The following GRIN2D variants were observed in gnomAD, a reference collection of about 807,000 sequenced individuals.
GRIN2D encodes the protein glutamate receptor ionotropic, NMDA 2D.
In GRIN2D, 37 loss-of-function variants were observed where a neutral mutation model predicts 103.2. That is an observed-to-expected ratio of 0.36 (90% CI 0.28 to 0.47). GRIN2D has a LOEUF of 0.47. Ranked by LOEUF, GRIN2D falls within the 20% of genes least tolerant of loss-of-function variation. The pLI, the probability that GRIN2D is intolerant of heterozygous loss-of-function variation, is 1.00. For synonymous variants in GRIN2D, 845 were observed against 885.6 expected, an observed-to-expected ratio of 0.95 and a Z score of 0.81; for missense variants, 1,557 against 1,910.6, an observed-to-expected ratio of 0.81 and a Z score of 3.45.
Position 48,441,790 on chromosome 19 carries a change from C to T in GRIN2D, c.2274C>T (p.Tyr758=), listed in dbSNP as rs749410602. The change falls in exon 12 of 14, where the codon TAC becomes TAT. Residue 758 remains tyrosine (Y), a synonymous_variant. Coordinates refer to ENST00000263269, the MANE Select transcript of GRIN2D (RefSeq NM_000836.4). The part of the protein sequence containing the change: ...LKAGKLDAFI[Y]DAAVLNYMAR... ...CCAGGAAGCTGGACGCCTTCATCTA[C>T]GATGCTGCAGTGCTCAATTACATGG... 4.8e-5 allele frequency: 78 copies of T among 1,612,292 alleles called. No individual in the cohort carries two copies. The East Asian group carries it at 1.0e-3, about 22-fold the overall frequency.
chr19:48,414,213 C>A lies in GRIN2D; in HGVS notation c.1200+108C>A. 3 of 883,072 alleles carry A rather than the reference C, an allele frequency of 3.4e-6. No individual in the cohort carries two copies. Among genetic ancestry groups the A allele is most frequent in the African/African-American group, 1.6e-5 (1 of 60,636 alleles). The allele number at this position is 883,072 out of a possible 1,614,324, so 54.7% of individuals were successfully genotyped here. A position where few individuals can be genotyped will look rare whatever the true frequency, so the allele number is the denominator to read the frequency against. ...CTAAGAGGGAGGAGGGGACAAGGAG[C>A]CTGGACTCCTGGGTCCTGGGATCTG... On this transcript the variant is annotated intron_variant, in intron 5 of 13. Transcript: ENST00000263269. This position sits in a 1 kb window ranked among gnomAD's most constrained non-coding sequence, Gnocchi z 4.6.
In GRIN2D at chr19:48,444,038, G is replaced by GA; in HGVS notation, c.*101_*102insA. The stretch of plus-strand genomic sequence containing the variant: ...CCCGCGTGGGTTGGGAAGGAAAGCA[G>GA]TGGAACTGGCCGGACCCCGCCTGGA... On this transcript the variant is annotated 3_prime_UTR_variant, in exon 14 of 14. Coordinates refer to ENST00000263269, the MANE Select transcript of GRIN2D (RefSeq NM_000836.4). This position sits in a 1 kb window ranked among gnomAD's most constrained non-coding sequence, Gnocchi z 5.5. The GA allele has an allele frequency of 2.5e-6, 2 of 792,330 alleles. No homozygotes were observed. The highest frequency in any genetic ancestry group is 5.4e-5 in the South Asian group (2 of 37,362). The allele number at this position is 792,330 out of a possible 1,614,324, so 49.1% of individuals were successfully genotyped here. A position where few individuals can be genotyped will look rare whatever the true frequency, so the allele number is the denominator to read the frequency against.
Position 48,414,579 on chromosome 19 carries a change from C to T in GRIN2D, c.1407C>T (p.Thr469=). Residue 469 remains threonine (T), a synonymous_variant, in exon 6 of 14, where the codon ACC becomes ACT. Coordinates refer to ENST00000263269, the MANE Select transcript of GRIN2D (RefSeq NM_000836.4). This position sits in a 1 kb window ranked among gnomAD's most constrained non-coding sequence, Gnocchi z 4.6. ...CCTGCCGGAGCCAGCTCAACCGAAC[C>T]CACAGGTGACAGCTCGGGATCCAGG... ...SVPCRSQLNR[T]HSPPPDAPRP... is the part of the protein sequence containing the mutation. The T allele has an allele frequency of 6.4e-7, 1 of 1,550,972 alleles. No individual in the cohort carries two copies. Among genetic ancestry groups the T allele is most frequent in the Non-Finnish European group, 8.7e-7 (1 of 1,147,592 alleles).
At chr19:48,437,148 G>T (rs983231202) in intron 11 of GRIN2D, among the ~76,000 whole-genome samples, 3 of 152,062 alleles carry the variant, frequency 2.0e-5, no homozygotes, top group African/African-American at 7.2e-5. Flanking sequence ...TCGAGACAGG[G>T]TCTCCCTCTG....
chr19:48,436,958 G>C (rs1971240065), intron 11 of GRIN2D, among the ~76,000 whole-genome samples: 1 of 152,154 alleles, frequency 6.6e-6, no homozygotes. Context: ...GGAGCCAAGA[G>C]GGGGTGGTGA....
At position 48,414,619 on chromosome 19, in the gene GRIN2D, A is replaced by C; in HGVS notation, c.1412+35A>C. On this transcript the variant is annotated intron_variant, in intron 6 of 13. Coordinates refer to ENST00000263269, the MANE Select transcript of GRIN2D (RefSeq NM_000836.4). The surrounding 1 kb of genome is among the most constrained non-coding windows in gnomAD (Gnocchi z 4.6). ...CGGGATCCAGGAGTTCCGGCTCCAA[A>C]ACCCGCCTCCCGTGAAGCCCAGTAG... The C allele has an allele frequency of 6.5e-7, 1 of 1,535,450 alleles. No homozygotes were observed. Among genetic ancestry groups the C allele is most frequent in the Non-Finnish European group, 8.8e-7 (1 of 1,134,406 alleles).
chr19:48,429,591 G>C (rs1457884374), intron 11 of GRIN2D, among the ~76,000 whole-genome samples: 2 of 151,992 alleles, frequency 1.3e-5, no homozygotes, highest in African/African-American at 4.8e-5. Context: ...ATAGAGACAG[G>C]GTTTCGCCAC....
intron 4 of GRIN2D, among the ~76,000 whole-genome samples, chr19:48,407,532 A>G (rs1448018150): frequency 6.6e-6 from 1 of 152,206 alleles, no homozygotes; most frequent in Non-Finnish European, 1.5e-5. Flanking sequence ...ACAAGTCACA[A>G]GTCAGCCTGT....
chr19:48,443,748 C>T lies in GRIN2D; in HGVS notation c.3822C>T (p.Asp1274=). ...CGCCCACCTCGCGCTCGCTCGAGGA[C>T]CTCAGCTCGTGCCCTCGCGCCGCCC... is the stretch of plus-strand genomic sequence containing the variant. ...PPAPTSRSLE[D]LSSCPRAAPA... is the part of the protein sequence containing the mutation. The change falls in exon 14 of 14, where the codon GAC becomes GAT. Residue 1274 remains aspartate (D), a synonymous_variant. Transcript: ENST00000263269. The surrounding 1 kb of genome is among the most constrained non-coding windows in gnomAD (Gnocchi z 8.9). 3 of 1,422,970 alleles carry T rather than the reference C, an allele frequency of 2.1e-6. No homozygotes were observed. Among genetic ancestry groups the T allele is most frequent in the Non-Finnish European group, 2.7e-6 (3 of 1,093,856 alleles). 88.1% of individuals were successfully genotyped at this position (1,422,970 alleles called of 1,614,324 possible). A position where few individuals can be genotyped will look rare whatever the true frequency, so the allele number is the denominator to read the frequency against.
chr19:48,430,917 T>G (rs938725525), intron 11 of GRIN2D, among the ~76,000 whole-genome samples: 19 of 151,716 alleles, frequency 1.3e-4, no homozygotes, highest in African/African-American at 4.6e-4. Flanking sequence ...CCTCCTGGGT[T>G]CAAGCGATTC....
At position 48,443,636 on chromosome 19, in the gene GRIN2D, G is replaced by A. The variant is rs1473583586; in HGVS notation, c.3710G>A (p.Arg1237Gln). 1.8e-6 allele frequency: 2 copies of A among 1,083,354 alleles called. No homozygotes were observed. Among genetic ancestry groups the A allele is most frequent in the Non-Finnish European group, 2.2e-6 (2 of 898,356 alleles). 67.1% of individuals were successfully genotyped at this position (1,083,354 alleles called of 1,614,324 possible). A position where few individuals can be genotyped will look rare whatever the true frequency, so the allele number is the denominator to read the frequency against. ...GCPRSHPHRP[R>Q]ASHRTPAAAA... is the part of the protein sequence containing the mutation. ...CCGCGGTCGCACCCGCACCGCCCGC[G>A]GGCCTCGCACCGCACGCCCGCCGCC... is the stretch of plus-strand genomic sequence containing the variant. The change falls in exon 14 of 14, where the codon CGG becomes CAG. Residue 1237 changes from arginine to glutamine, a missense_variant. By Grantham distance (43) the Arg-to-Gln change is conservative. Coordinates refer to ENST00000263269, the MANE Select transcript of GRIN2D (RefSeq NM_000836.4). This position sits in a 1 kb window ranked among gnomAD's most constrained non-coding sequence, Gnocchi z 8.9.
intron 11 of GRIN2D, among the ~76,000 whole-genome samples, chr19:48,433,625 C>T (rs1971187566): frequency 6.6e-6 from 1 of 152,196 alleles, no homozygotes; most frequent in Admixed American, 6.5e-5. Context: ...ACAGCTTCTC[C>T]TCCCAGCCAG....
Position 48,399,699 on chromosome 19 carries a change from G to A in GRIN2D, c.465+842G>A, listed in dbSNP as rs545664974. On this transcript the variant is annotated intron_variant, in intron 3 of 13. Transcript: ENST00000263269. Reference sequence around the variant, plus strand: ...GGAGGCGTTCGGCCGGTAGAGCATAGGGTCTAGAAGTCAGCCAGGGATGGA... The same window carrying A: ...GGAGGCGTTCGGCCGGTAGAGCATAAGGTCTAGAAGTCAGCCAGGGATGGA... Among the ~76,000 whole-genome samples, 80 of 152,296 alleles carry A rather than the reference G, an allele frequency of 5.3e-4. 1 individual carries two copies. The South Asian group carries it at 0.016, about 31-fold the overall frequency.
chr19:48,443,800 C>T lies in GRIN2D; in HGVS notation c.3874C>T (p.Arg1292Cys). The T allele has an allele frequency of 1.4e-6, 2 of 1,475,582 alleles. No homozygotes were observed. Among genetic ancestry groups the T allele is most frequent in the Non-Finnish European group, 1.8e-6 (2 of 1,121,316 alleles). 91.4% of individuals were successfully genotyped at this position (1,475,582 alleles called of 1,614,324 possible). The change falls in exon 14 of 14, where the codon CGC (arginine) becomes TGC (cysteine). Residue 1292 changes from arginine (R) to cysteine (C), a missense_variant. This residue lies in a region of GRIN2D where 88 missense variants were observed against 84.3 expected (regional missense o/e 1.04). Transcript: ENST00000263269. This position sits in a 1 kb window ranked among gnomAD's most constrained non-coding sequence, Gnocchi z 8.9. ...TGCGCGCAGGCTTACCGGGCCCTCC[C>T]GCCACGCTCGCAGGTGTCCGCACGC... ...APARRLTGPSRHARRCPHAAH... is the reference protein window; with the variant it reads ...APARRLTGPSCHARRCPHAAH...
Position 48,443,321 on chromosome 19 carries a change from G to A in GRIN2D, c.3395G>A (p.Trp1132Ter). The change falls in exon 14 of 14, where the codon TGG becomes TAG. Residue 1132 changes from tryptophan (W) to a stop codon, truncating the protein, a stop_gained. Coordinates refer to ENST00000263269, the MANE Select transcript of GRIN2D (RefSeq NM_000836.4). LOFTEE classifies it high-confidence loss of function. This position sits in a 1 kb window ranked among gnomAD's most constrained non-coding sequence, Gnocchi z 8.9. The stretch of plus-strand genomic sequence containing the variant: ...GCGTCGCTGGGCGGCCTGGAGCCCT[G>A]GTGGTTCGCCGACTTCCCTTACCCG... The part of the protein sequence containing the change: ...GGASLGGLEP[W>*]WFADFPYPYA... 1 of 1,542,432 alleles carries A rather than the reference G, an allele frequency of 6.5e-7. No individual in the cohort carries two copies. The highest frequency in any genetic ancestry group is 1.9e-5 in the Admixed American group (1 of 53,910).
At position 48,421,683 on chromosome 19, in the gene GRIN2D, G is replaced by T. The variant is rs555232787; in HGVS notation, c.2092-102G>T. 6.9e-5 allele frequency: 63 copies of T among 914,076 alleles called. 1 individual carries two copies. The South Asian group carries it at 9.5e-4, about 14-fold the overall frequency. 56.6% of individuals were successfully genotyped at this position (914,076 alleles called of 1,614,324 possible). Reference sequence around the variant, plus strand: ...GTTGAGAAATATTGAACACTCCTGGGACTGGGGTGTCTGCCAGATAGCGGG... The same window carrying T: ...GTTGAGAAATATTGAACACTCCTGGTACTGGGGTGTCTGCCAGATAGCGGG... On this transcript the variant is annotated intron_variant, in intron 10 of 13. Transcript: ENST00000263269. This position sits in a 1 kb window ranked among gnomAD's most constrained non-coding sequence, Gnocchi z 4.8.
chr19:48,407,312 C>A (rs1295657682), intron 4 of GRIN2D, among the ~76,000 whole-genome samples: 1 of 152,016 alleles, frequency 6.6e-6, no homozygotes, highest in Non-Finnish European at 1.5e-5. Context: ...CCCTCCCTCC[C>A]TCTGTCCATC....
chr19:48,418,313 G>GT (rs1970973349), intron 8 of GRIN2D, among the ~76,000 whole-genome samples: 1 of 152,134 alleles, frequency 6.6e-6, no homozygotes, highest in African/African-American at 2.4e-5. Flanking sequence ...GATTACAGGC[G>GT]TGAACCACCA....
rs1970595644 is a variant in GRIN2D, at chr19:48,393,886, C to T, written c.-306+18C>T. 1.3e-5 allele frequency among the ~76,000 whole-genome samples: 2 copies of T among 151,706 alleles called. No individual in the cohort carries two copies. Among genetic ancestry groups the T allele is most frequent in the Admixed American group, 6.6e-5 (1 of 15,236 alleles). ...TCTGCCCGGTGAGGATCTGTGTGTC[C>T]GGGTGTCTGGGGCTGGCTGGTGGAG... On this transcript the variant is annotated intron_variant, in intron 1 of 13. Coordinates refer to ENST00000263269, the MANE Select transcript of GRIN2D (RefSeq NM_000836.4). The surrounding 1 kb of genome is among the most constrained non-coding windows in gnomAD (Gnocchi z 5.6).
Sources: allele counts gnomAD v4.1 joint callset (sites outside exome capture counted in the v4.1 genomes callset), GRCh38; gene constraint gnomAD v4.1.1; regional missense constraint gnomAD v4.1.1; non-coding constraint Gnocchi (gnomAD v3.1); transcripts MANE v1.5; gene names NCBI Gene and HGNC (gene_info 2026-07-23, HGNC 2026-07-21).